EML4: variants seen among roughly 807,000 people sequenced by gnomAD.
The protein encoded by EML4 is EMAP like 4, also known as echinoderm microtubule-associated protein-like 4.
EML4 carries 72 observed loss-of-function variants against 129.0 expected under a neutral mutation model. The observed-to-expected ratio is 0.56, with a 90% confidence interval of 0.46 to 0.68. EML4 has a LOEUF of 0.68. Ranked by LOEUF, EML4 falls within the 30% of genes least tolerant of loss-of-function variation. The probability of loss-of-function intolerance (pLI) is 0.00; values close to 1 mark genes in which losing one functional copy is unlikely to be tolerated. For synonymous variants in EML4, 532 were observed against 405.0 expected, an observed-to-expected ratio of 1.31 and a Z score of -3.77; for missense variants, 1,363 against 1,190.6, an observed-to-expected ratio of 1.14 and a Z score of -2.13.
intron 1 of EML4, among the ~76,000 whole-genome samples, chr2:42,211,126 C>T (rs745805109): frequency 2.6e-5 from 4 of 152,062 alleles, no homozygotes; most frequent in African/African-American, 9.7e-5. Flanking sequence ...CTATAATGTG[C>T]TTGGTGTACC....
chr2:42,311,424 A>G (rs768350263), intron 17 of EML4, among the ~76,000 whole-genome samples: 2 of 152,172 alleles, frequency 1.3e-5, no homozygotes, highest in Non-Finnish European at 2.9e-5. Flanking sequence ...GTGGTAGCAC[A>G]TGCTTTTGGT....
intron 1 of EML4, among the ~76,000 whole-genome samples, chr2:42,175,947 C>G (rs1670576435): frequency 6.6e-6 from 1 of 151,852 alleles, no homozygotes; most frequent in Non-Finnish European, 1.5e-5. Flanking sequence ...TAGTTAAAAT[C>G]ATACTGCAGA....
At chr2:42,270,371 C>T (rs554838825) in intron 6 of EML4, among the ~76,000 whole-genome samples, 4 of 152,218 alleles carry the variant, frequency 2.6e-5, no homozygotes, top group African/African-American at 7.2e-5. Context: ...TCAGCCTGGG[C>T]AACATGGCAA....
chr2:42,215,230 T>A (rs192055993), intron 1 of EML4, among the ~76,000 whole-genome samples: 278 of 152,204 alleles, frequency 1.8e-3, no homozygotes, highest in Middle Eastern at 3.4e-3. Context: ...TGGCTAACTT[T>A]TATATTTTTT....
rs756245593 is a variant in EML4 at position 42,329,891 on chromosome 2, C to T, written c.2630C>T (p.Ala877Val). 40 of 1,613,926 alleles carry T rather than the reference C, an allele frequency of 2.5e-5. No individual in the cohort carries two copies. In the South Asian group the frequency reaches 3.3e-4, roughly 13 times the overall value. ...TCTTTGCCTCAGAATGAGACTGTAG[C>T]GGATACTACTCTAACCAAAGCCCCC... The part of the protein sequence containing the change: ...KLSLPQNETV[A>V]DTTLTKAPVS... Residue 877 changes from alanine to valine, a missense_variant, in exon 23 of 23, where the codon GCG (alanine) becomes GTG (valine). Coordinates refer to ENST00000318522, the MANE Select transcript of EML4 (RefSeq NM_019063.5).
At chr2:42,198,819 T>G (rs1413326182) in intron 1 of EML4, among the ~76,000 whole-genome samples, 3 of 152,200 alleles carry the variant, frequency 2.0e-5, no homozygotes, top group Non-Finnish European at 2.9e-5. Context: ...GTTTCTGTTG[T>G]GTGTATGTAT....
At chr2:42,226,560 G>T (rs964308349) in intron 1 of EML4, among the ~76,000 whole-genome samples, 2 of 152,064 alleles carry the variant, frequency 1.3e-5, no homozygotes, top group Non-Finnish European at 2.9e-5. Context: ...GGGAGGCTGA[G>T]GCAGGAGAAT....
chr2:42,179,802 A>T (rs554853122), intron 1 of EML4, among the ~76,000 whole-genome samples: 4 of 152,066 alleles, frequency 2.6e-5, no homozygotes, highest in East Asian at 3.9e-4. Context: ...GAGTTTCACT[A>T]TGTTGGTCAG....
At chr2:42,286,127 A>G in intron 9 of EML4, 142 bp from the exon 10 acceptor site, 1 of 687,518 alleles carries the variant, frequency 1.5e-6, no homozygotes, top group Non-Finnish European at 2.7e-6. Context: ...CTTAAGATTC[A>G]TTTGGAGGCA....
intron 16 of EML4, among the ~76,000 whole-genome samples, chr2:42,303,850 G>A (rs539845297): frequency 2.6e-5 from 4 of 152,298 alleles, no homozygotes; most frequent in Admixed American, 2.0e-4. Context: ...GCATGAACCC[G>A]GGAGGCGGAG....
chr2:42,246,378 G>A (rs978818442), intron 2 of EML4, among the ~76,000 whole-genome samples: 7 of 152,110 alleles, frequency 4.6e-5, no homozygotes, highest in Admixed American at 2.0e-4. Flanking sequence ...GAGTATATGG[G>A]GATAGGCGTG....
chr2:42,278,275 A>T (rs1666768789), intron 6 of EML4, among the ~76,000 whole-genome samples: 1 of 152,096 alleles, frequency 6.6e-6, no homozygotes, highest in Admixed American at 6.5e-5. Context: ...TTTTCAAAGG[A>T]CTAAGAAACA....
At chr2:42,241,852 TTGTGTGTGTA>T (rs1489131919) in intron 1 of EML4, among the ~76,000 whole-genome samples, 3 of 148,738 alleles carry the variant, frequency 2.0e-5, no homozygotes, top group Admixed American at 2.0e-4. Flanking sequence ...AAAATATAGA[TTGTGTGTGTA>T]TGTGTGTGTG....
At chr2:42,170,173 G>T (rs1670184741) in intron 1 of EML4, 1 of 152,678 alleles carries the variant, frequency 6.5e-6, no homozygotes, top group South Asian at 2.0e-4. Flanking sequence ...AGATTTGAAG[G>T]CGACTTTCCA....
At chr2:42,225,691 A>C (rs1558518133) in intron 1 of EML4, among the ~76,000 whole-genome samples, 1 of 152,104 alleles carries the variant, frequency 6.6e-6, no homozygotes, top group Non-Finnish European at 1.5e-5. Context: ...ATTACTAGTG[A>C]GCTTGATCCA....
At chr2:42,298,065 G>A (rs938377871) in intron 13 of EML4, among the ~76,000 whole-genome samples, 3 of 152,190 alleles carry the variant, frequency 2.0e-5, no homozygotes, top group African/African-American at 7.2e-5. Context: ...AATCTTTTAA[G>A]TGGGTAAGTG....
chr2:42,177,114 A>G (rs183529867), intron 1 of EML4, among the ~76,000 whole-genome samples: 16 of 152,264 alleles, frequency 1.1e-4, no homozygotes, highest in Middle Eastern at 3.4e-3. Flanking sequence ...TGAAGGCTGT[A>G]TTGAAGGTTT....
chr2:42,302,419 G>A, intron 14 of EML4, among the ~76,000 whole-genome samples: 1 of 151,936 alleles, frequency 6.6e-6, no homozygotes, highest in East Asian at 1.9e-4. Context: ...TTATATTACA[G>A]AAAATGTTTC....
chr2:42,284,569 G>A, intron 8 of EML4, 65 bp from the exon 9 acceptor site: 3 of 1,159,886 alleles, frequency 2.6e-6, no homozygotes, highest in Admixed American at 3.9e-5. Context: ...AAAAATGTCA[G>A]TACAAAGGTA....
Sources: allele counts gnomAD v4.1 joint callset (sites outside exome capture counted in the v4.1 genomes callset), GRCh38; gene constraint gnomAD v4.1.1; transcripts MANE v1.5; gene names NCBI Gene and HGNC (gene_info 2026-07-23, HGNC 2026-07-21).